KLHL29: variants seen among roughly 807,000 people sequenced by gnomAD.
The protein encoded by KLHL29 is kelch-like protein 29.
Under a neutral mutation model 80.4 loss-of-function variants are expected in KLHL29, and 21 were observed. The observed-to-expected ratio is 0.26, with a 90% CI of 0.19 to 0.38. KLHL29 has a LOEUF of 0.38. KLHL29 is among the 10% of genes least tolerant of loss of function. KLHL29 has a pLI of 1.00. For missense variants in KLHL29, 867 were observed against 1,223.9 expected (o/e 0.71, Z 4.35); for synonymous variants, 511 against 526.8 (o/e 0.97, Z 0.41).
chr2:23,647,832 C>T lies in KLHL29; in HGVS notation c.940+4982C>T, dbSNP rs537868553. Among the ~76,000 whole-genome samples, 29 of 152,184 alleles carry T rather than the reference C, an allele frequency of 1.9e-4. No individual in the cohort carries two copies. The highest frequency in any genetic ancestry group is 3.3e-4 in the Admixed American group (5 of 15,290). On this transcript the variant is annotated intron_variant, in intron 5 of 13. Transcript: ENST00000486442. This position sits in a 1 kb window ranked among gnomAD's most constrained non-coding sequence, Gnocchi z 4.9. ...GTCTAGCCGTGCACTGTGCCTCGGT[C>T]GAGTGCCTGTGAGACCATTCGACTG...
chr2:23,660,872 A>C (rs986411986), intron 5 of KLHL29, among the ~76,000 whole-genome samples: 2 of 148,374 alleles, frequency 1.3e-5, no homozygotes, highest in African/African-American at 2.6e-5. Context: ...CTAAAAATAC[A>C]AAAAAAAAGT....
Position 23,703,266 on chromosome 2 carries a change from G to A in KLHL29, c.2186G>A (p.Gly729Asp), listed in dbSNP as rs558342898. Residue 729 changes from glycine to aspartate, a missense_variant, in exon 12 of 14, where the codon GGC becomes GAC. Physicochemically the swap from Gly to Asp is moderately conservative, Grantham distance 94. Coordinates refer to ENST00000486442, the MANE Select transcript of KLHL29 (RefSeq NM_052920.2). ...AVHSAAATVC[G>D]GKIYVFGGVN... ...CACTCTGCTGCAGCCACAGTGTGTG[G>A]CGGCAAGATCTACGTGTTTGGTGGG... is the stretch of plus-strand genomic sequence containing the variant. 3 of 1,548,508 alleles carry A rather than the reference G, an allele frequency of 1.9e-6. No individual in the cohort carries two copies. Among genetic ancestry groups the A allele is most frequent in the South Asian group, 2.4e-5 (2 of 83,620 alleles).
intron 4 of KLHL29, among the ~76,000 whole-genome samples, chr2:23,639,893 G>T (rs942344130): frequency 1.3e-5 from 2 of 152,120 alleles, no homozygotes; most frequent in South Asian, 4.2e-4. Context: ...AGGCCATTCA[G>T]CCATGCCCCA....
At chr2:23,440,173 G>C (rs1007275377) in intron 1 of KLHL29, among the ~76,000 whole-genome samples, 1 of 152,026 alleles carries the variant, frequency 6.6e-6, no homozygotes, top group Non-Finnish European at 1.5e-5. Context: ...AAATAACGCC[G>C]CATATCTACA....
At chr2:23,658,382 T>C in intron 5 of KLHL29, among the ~76,000 whole-genome samples, 1 of 152,158 alleles carries the variant, frequency 6.6e-6, no homozygotes, top group Non-Finnish European at 1.5e-5. Context: ...TGACAAGATC[T>C]GGCCTCACCA....
At chr2:23,439,238 T>C (rs1663438468) in intron 1 of KLHL29, among the ~76,000 whole-genome samples, 1 of 152,114 alleles carries the variant, frequency 6.6e-6, no homozygotes, top group Non-Finnish European at 1.5e-5. Context: ...TCTATCAATT[T>C]TGTTGATCGT....
intron 2 of KLHL29, among the ~76,000 whole-genome samples, chr2:23,525,500 C>T (rs997931968): frequency 6.6e-6 from 1 of 152,224 alleles, no homozygotes; most frequent in Non-Finnish European, 1.5e-5. Flanking sequence ...CTGCTCTTGC[C>T]CTGTCTCCCT....
intron 5 of KLHL29, among the ~76,000 whole-genome samples, chr2:23,648,299 T>C (rs922807126): frequency 6.6e-6 from 1 of 152,024 alleles, no homozygotes; most frequent in Non-Finnish European, 1.5e-5. Context: ...ATTGAGTTAT[T>C]TTACATACTC....
chr2:23,503,226 G>A lies in KLHL29; in HGVS notation c.-46+27559G>A, dbSNP rs1476811170. On this transcript the variant is annotated intron_variant, in intron 2 of 13. Transcript: ENST00000486442. The surrounding 1 kb of genome is among the most constrained non-coding windows in gnomAD (Gnocchi z 4.0). ...TGTGAAGTAGACCTGGCAGGGGATG[G>A]CTGCTCCGGGCTGGCCTGGGCCTCG... Among the ~76,000 whole-genome samples the A allele has an allele frequency of 6.6e-6, 1 of 152,176 alleles. No individual in the cohort carries two copies. The highest frequency in any genetic ancestry group is 1.5e-5 in the Non-Finnish European group (1 of 68,044).
Position 23,706,859 on chromosome 2 carries a change from G to T in KLHL29, c.*195G>T, listed in dbSNP as rs565335304. On this transcript the variant is annotated 3_prime_UTR_variant, in exon 14 of 14. Transcript: ENST00000486442. ...CCTTTGGATGAAACGGAGGCACCGC[G>T]CTTGGAGCCGCAGGAACCACGATCC... 4.5e-5 allele frequency: 23 copies of T among 506,100 alleles called. No individual in the cohort carries two copies. Among genetic ancestry groups the T allele is most frequent in the African/African-American group, 3.9e-4 (20 of 50,672 alleles). 31.4% of individuals were successfully genotyped at this position (506,100 alleles called of 1,614,324 possible). A position where few individuals can be genotyped will look rare whatever the true frequency, so the allele number is the denominator to read the frequency against.
intron 2 of KLHL29, among the ~76,000 whole-genome samples, chr2:23,531,682 A>G (rs143132598): frequency 6.6e-6 from 1 of 152,304 alleles, no homozygotes; most frequent in East Asian, 1.9e-4. Flanking sequence ...GGTACCCAAG[A>G]CGCTCTTCAC....
At chr2:23,648,973 A>G (rs1269713695) in intron 5 of KLHL29, among the ~76,000 whole-genome samples, 1 of 152,248 alleles carries the variant, frequency 6.6e-6, no homozygotes, top group Non-Finnish European at 1.5e-5. Flanking sequence ...ACATGCTTTG[A>G]GGATTAAATA....
At chr2:23,400,638 C>T (rs538217747) in intron 1 of KLHL29, among the ~76,000 whole-genome samples, 13 of 151,586 alleles carry the variant, frequency 8.6e-5, no homozygotes, top group African/African-American at 3.1e-4. Flanking sequence ...TAAAGGTCAA[C>T]TTGGGAAATA....
chr2:23,631,217 G>A (rs558055331), intron 3 of KLHL29, among the ~76,000 whole-genome samples: 1 of 152,026 alleles, frequency 6.6e-6, no homozygotes, highest in East Asian at 1.9e-4. Flanking sequence ...GCCCCATCAC[G>A]TCCTCTGCCC....
At chr2:23,514,472 C>T (rs1030835397) in intron 2 of KLHL29, among the ~76,000 whole-genome samples, 1 of 152,206 alleles carries the variant, frequency 6.6e-6, no homozygotes, top group African/African-American at 2.4e-5. Context: ...GCCTTGGTCT[C>T]TCCTGCACGT....
In KLHL29 at chr2:23,445,583, T is replaced by C. The variant is rs569308632; in HGVS notation, c.-153-29977T>C. On this transcript the variant is annotated intron_variant, in intron 1 of 13. Transcript: ENST00000486442. ...AGACAGTGCTGCAATGAGTAATCTC[T>C]AGTGCATGTCATTTCGTACATGTGA... Among the ~76,000 whole-genome samples, 10 of 152,366 alleles carry C rather than the reference T, an allele frequency of 6.6e-5. No individual in the cohort carries two copies. The South Asian group carries it at 2.1e-3, about 32-fold the overall frequency.
intron 2 of KLHL29, among the ~76,000 whole-genome samples, chr2:23,561,434 G>A (rs764888837): frequency 4.6e-5 from 7 of 152,274 alleles, no homozygotes; most frequent in Middle Eastern, 3.4e-3. Flanking sequence ...CAGAGGCCAG[G>A]GTACTCCGGG....
chr2:23,509,568 A>T (rs1197291407), intron 2 of KLHL29, among the ~76,000 whole-genome samples: 1 of 152,190 alleles, frequency 6.6e-6, no homozygotes, highest in East Asian at 1.9e-4. Context: ...AATGAAAAAA[A>T]AATGAATTAC....
Position 23,399,280 on chromosome 2 carries a change from T to A in KLHL29, c.-154+13500T>A, listed in dbSNP as rs183629899. Among the ~76,000 whole-genome samples the A allele has an allele frequency of 1.0e-3, 158 of 152,346 alleles. No homozygotes were observed. In the Middle Eastern group the frequency reaches 0.014, roughly 13 times the overall value. Reference sequence around the variant, plus strand: ...TGTTCCCTTCCATGCCTAGCTGGATTGCAGAGTTAAATTTATGATTATGAA... The same window carrying A: ...TGTTCCCTTCCATGCCTAGCTGGATAGCAGAGTTAAATTTATGATTATGAA... On this transcript the variant is annotated intron_variant, in intron 1 of 13. Coordinates refer to ENST00000486442, the MANE Select transcript of KLHL29 (RefSeq NM_052920.2).
Sources: allele counts gnomAD v4.1 joint callset (sites outside exome capture counted in the v4.1 genomes callset), GRCh38; gene constraint gnomAD v4.1.1; non-coding constraint Gnocchi (gnomAD v3.1); transcripts MANE v1.5; gene names NCBI Gene and HGNC (gene_info 2026-07-23, HGNC 2026-07-21).